Variants in SPAG16 observed in about 807,000 individuals in gnomAD.
SPAG16 encodes sperm associated antigen 16.
A neutral mutation model predicts 80.4 loss-of-function variants in SPAG16; 86 were observed. The observed-to-expected ratio is 1.07, with a 90% confidence interval of 0.90 to 1.28. The LOEUF (loss-of-function observed/expected upper bound fraction) is 1.28, where lower values mean the gene tolerates loss of function less well. SPAG16 is among the 50% of genes most tolerant of loss of function. The pLI is 0.00. For synonymous variants in SPAG16, 294 were observed against 265.9 expected, an observed-to-expected ratio of 1.11 and a Z score of -1.03; for missense variants, 870 against 765.3, an observed-to-expected ratio of 1.14 and a Z score of -1.61.
chr2:213,628,356 A>G (rs1230779130), intron 10 of SPAG16, among the ~76,000 whole-genome samples: 1 of 152,182 alleles, frequency 6.6e-6, no homozygotes, highest in Non-Finnish European at 1.5e-5. Context: ...AATTCTATCC[A>G]TTTATGGCCC....
At chr2:213,542,854 C>A (rs2076496739) in intron 10 of SPAG16, among the ~76,000 whole-genome samples, 1 of 151,654 alleles carries the variant, frequency 6.6e-6, no homozygotes, top group South Asian at 2.1e-4. Flanking sequence ...ACAAATTAAT[C>A]CCAATGTAAG....
At chr2:214,272,156 A>C (rs1692076391) in intron 15 of SPAG16, among the ~76,000 whole-genome samples, 3 of 152,118 alleles carry the variant, frequency 2.0e-5, no homozygotes, top group Admixed American at 1.3e-4. Context: ...ATTTATATTT[A>C]CCAATTTTCC....
intron 15 of SPAG16, among the ~76,000 whole-genome samples, chr2:214,233,274 C>T (rs991355640): frequency 4.0e-5 from 6 of 151,600 alleles, no homozygotes; most frequent in Non-Finnish European, 5.9e-5. Context: ...TAGGTGTTTG[C>T]TTTACAATAA....
intron 10 of SPAG16, among the ~76,000 whole-genome samples, chr2:213,572,657 C>T (rs1359379083): frequency 6.6e-6 from 1 of 152,060 alleles, no homozygotes; most frequent in Admixed American, 6.6e-5. Flanking sequence ...CAGACAGGGA[C>T]ACTTAAGTCT....
intron 9 of SPAG16, among the ~76,000 whole-genome samples, chr2:213,415,443 G>A (rs965908096): frequency 1.3e-5 from 2 of 152,188 alleles, no homozygotes; most frequent in Non-Finnish European, 2.9e-5. Context: ...AACAATTGAA[G>A]TGGAACAAAA....
chr2:213,467,482 A>C (rs529770578), intron 9 of SPAG16, among the ~76,000 whole-genome samples: 2 of 152,180 alleles, frequency 1.3e-5, no homozygotes, highest in Non-Finnish European at 2.9e-5. Context: ...GGTTTCCCCA[A>C]CTGCAAGTGA....
chr2:213,716,815 C>T (rs2066257022), intron 10 of SPAG16, among the ~76,000 whole-genome samples: 2 of 152,060 alleles, frequency 1.3e-5, no homozygotes, highest in Admixed American at 1.3e-4. Flanking sequence ...TACACATAGC[C>T]AGAATTAAAA....
intron 11 of SPAG16, among the ~76,000 whole-genome samples, chr2:213,912,863 T>C (rs1031565162): frequency 2.0e-5 from 3 of 152,134 alleles, no homozygotes; most frequent in African/African-American, 4.8e-5. Context: ...TCATGTTAAA[T>C]CACTGAAATT....
At chr2:213,880,761 G>C (rs1467901858) in intron 11 of SPAG16, among the ~76,000 whole-genome samples, 1 of 152,062 alleles carries the variant, frequency 6.6e-6, no homozygotes, top group Non-Finnish European at 1.5e-5. Context: ...ATTTTTGTCA[G>C]CTTTGTTGAA....
chr2:213,745,885 AAC>A (rs1241999609), intron 10 of SPAG16, among the ~76,000 whole-genome samples: 2 of 152,258 alleles, frequency 1.3e-5, no homozygotes, highest in Admixed American at 1.3e-4. Context: ...GTACACTTTT[AAC>A]ACAGATTTTT....
At chr2:213,393,182 A>C (rs1017831611) in intron 9 of SPAG16, among the ~76,000 whole-genome samples, 1 of 151,874 alleles carries the variant, frequency 6.6e-6, no homozygotes, top group Non-Finnish European at 1.5e-5. Flanking sequence ...TTGAAAATGC[A>C]TAACTGAGAC....
intron 15 of SPAG16, among the ~76,000 whole-genome samples, chr2:214,260,082 G>T (rs1004212814): frequency 6.6e-6 from 1 of 152,006 alleles, no homozygotes. Context: ...TATACTTAAA[G>T]ATTTTTGTTC....
intron 4 of SPAG16, among the ~76,000 whole-genome samples, chr2:213,312,203 C>T (rs768517149): frequency 8.6e-5 from 13 of 151,610 alleles, no homozygotes; most frequent in Admixed American, 5.3e-4. Context: ...TTCTCTGACC[C>T]TTTACAGAAA....
intron 12 of SPAG16, among the ~76,000 whole-genome samples, chr2:213,990,397 A>G (rs1446895175): frequency 6.6e-6 from 1 of 152,148 alleles, no homozygotes; most frequent in Non-Finnish European, 1.5e-5. Flanking sequence ...ACAGTCAGAA[A>G]TCTGAGTATA....
chr2:213,768,799 T>C (rs2069088359), intron 10 of SPAG16, among the ~76,000 whole-genome samples: 1 of 152,134 alleles, frequency 6.6e-6, no homozygotes, highest in South Asian at 2.1e-4. Flanking sequence ...ATAAGAAATG[T>C]ATGTCAATAG....
At position 213,455,330 on chromosome 2, in the gene SPAG16, C is replaced by A. The variant is rs373153598; in HGVS notation, c.943-34633C>A. On this transcript the variant is annotated intron_variant, in intron 9 of 15. Transcript: ENST00000331683. ...TTCTTGGTTTTAGCCTTGAAACATA[C>A]TTTACAACTCTGTTTACCTCCCTCC... Among the ~76,000 whole-genome samples the A allele has an allele frequency of 4.4e-4, 67 of 152,240 alleles. 1 individual carries two copies. In the South Asian group the frequency reaches 0.013, roughly 30 times the overall value.
chr2:213,379,096 T>C (rs1310106219), intron 9 of SPAG16, among the ~76,000 whole-genome samples: 1 of 152,178 alleles, frequency 6.6e-6, no homozygotes, highest in Non-Finnish European at 1.5e-5. Flanking sequence ...TTGTGTCTCT[T>C]GATGGCAGCG....
intron 15 of SPAG16, among the ~76,000 whole-genome samples, chr2:214,232,345 G>C (rs1313750082): frequency 6.6e-6 from 1 of 151,784 alleles, no homozygotes; most frequent in Admixed American, 6.6e-5. Flanking sequence ...ATCCAAACTT[G>C]TCATAAAGTT....
Position 214,410,297 on chromosome 2 carries a change from A to C in SPAG16, c.1878A>C (p.Thr626=), listed in dbSNP as rs777957667. 3.8e-6 allele frequency: 6 copies of C among 1,599,984 alleles called. No homozygotes were observed. The South Asian group carries it at 5.5e-5, about 15-fold the overall frequency. The change falls in exon 16 of 16, where the codon ACA becomes ACC. Residue 626 remains threonine (T), a synonymous_variant. Coordinates refer to ENST00000331683, the MANE Select transcript of SPAG16 (RefSeq NM_024532.5). ...EILFSGGSDG[T]VRTWS ...TCTTTTCTGGAGGCTCTGACGGCACAGTTCGAACGTGGTCTTGACCGTCAG... is the reference window on the plus strand; with the variant it reads ...TCTTTTCTGGAGGCTCTGACGGCACCGTTCGAACGTGGTCTTGACCGTCAG...
Sources: allele counts gnomAD v4.1 joint callset (sites outside exome capture counted in the v4.1 genomes callset), GRCh38; gene constraint gnomAD v4.1.1; transcripts MANE v1.5; gene names NCBI Gene and HGNC (gene_info 2026-07-23, HGNC 2026-07-21).